The following NBEA variants were observed in gnomAD, a reference collection of about 807,000 sequenced individuals.
The protein encoded by NBEA is neurobeachin.
NBEA carries 44 observed loss-of-function variants against 343.4 expected under a neutral mutation model. That is an observed-to-expected ratio of 0.13 (90% CI 0.10 to 0.16). The LOEUF is 0.16. Among genes scored for constraint, NBEA ranks in the 10% least tolerant of loss-of-function variants. The pLI is 1.00. For missense variants in NBEA, 2,555 were observed against 3,631.3 expected (o/e 0.70, Z 7.62); for synonymous variants, 1,175 against 1,238.7 (o/e 0.95, Z 1.08).
intron 33 of NBEA, among the ~76,000 whole-genome samples, chr13:35,215,746 G>A (rs2074032466): frequency 6.6e-6 from 1 of 151,570 alleles, no homozygotes; most frequent in South Asian, 2.1e-4. Context: ...ATGAGATAAT[G>A]TCACTTGTAG....
chr13:35,278,248 A>G (rs1186678496), intron 34 of NBEA, among the ~76,000 whole-genome samples: 1 of 151,786 alleles, frequency 6.6e-6, no homozygotes, highest in Admixed American at 6.6e-5. Flanking sequence ...GAACAAACTC[A>G]ATAAGGATGT....
intron 45 of NBEA, among the ~76,000 whole-genome samples, chr13:35,572,440 G>A (rs982616987): frequency 2.0e-5 from 3 of 152,120 alleles, no homozygotes; most frequent in African/African-American, 4.8e-5. Flanking sequence ...CCCATTCATC[G>A]AGTGGAAAAA....
In NBEA at chr13:35,630,887, G is replaced by A. The variant is rs2083421679; in HGVS notation, c.7617+2639G>A. 2.0e-5 allele frequency among the ~76,000 whole-genome samples: 3 copies of A among 152,058 alleles called. No individual in the cohort carries two copies. In the South Asian group the frequency reaches 6.2e-4, roughly 31 times the overall value. On this transcript the variant is annotated intron_variant, in intron 49 of 58. Coordinates refer to ENST00000379939, the MANE Select transcript of NBEA (RefSeq NM_001385012.1). Reference sequence around the variant, plus strand: ...CTAGGGGGCCATTTAGTACAGTGTAGACATAACAGATTAAATGATTTCAAG... The same window carrying A: ...CTAGGGGGCCATTTAGTACAGTGTAAACATAACAGATTAAATGATTTCAAG...
chr13:35,526,998 T>C (rs2078008802), intron 41 of NBEA, among the ~76,000 whole-genome samples: 1 of 151,938 alleles, frequency 6.6e-6, no homozygotes, highest in Non-Finnish European at 1.5e-5. Context: ...AGGTCTGGGC[T>C]CCCTGAAGGG....
Position 34,999,134 on chromosome 13 carries a change from T to C in NBEA, c.295-41799T>C, listed in dbSNP as rs113595195. Among the ~76,000 whole-genome samples, 61 of 152,286 alleles carry C rather than the reference T, an allele frequency of 4.0e-4. 1 individual carries two copies. The highest frequency in any genetic ancestry group is 1.3e-3 in the African/African-American group (56 of 41,570). On this transcript the variant is annotated intron_variant, in intron 1 of 58. Transcript: ENST00000379939. ...GAAATAGAGACATACTATAAATATT[T>C]ATAACAAACAAAATTGGGGTAAGAA...
intron 33 of NBEA, among the ~76,000 whole-genome samples, chr13:35,227,289 A>G (rs1283086255): frequency 6.6e-6 from 1 of 152,076 alleles, no homozygotes; most frequent in Non-Finnish European, 1.5e-5. Flanking sequence ...AATTATATTT[A>G]ATATTAGAAA....
chr13:35,507,092 A>G (rs1197293779), intron 41 of NBEA, among the ~76,000 whole-genome samples: 1 of 152,124 alleles, frequency 6.6e-6, no homozygotes, highest in Non-Finnish European at 1.5e-5. Flanking sequence ...TGTTAAGGTC[A>G]CCAATGACCT....
chr13:35,323,620 C>T (rs924351371), intron 36 of NBEA, among the ~76,000 whole-genome samples: 4 of 150,684 alleles, frequency 2.7e-5, no homozygotes, highest in Admixed American at 2.6e-4. Flanking sequence ...TGCTAGATGA[C>T]GAGTTAGTGG....
At chr13:35,088,638 A>G (rs1159410057) in intron 10 of NBEA, among the ~76,000 whole-genome samples, 2 of 152,006 alleles carry the variant, frequency 1.3e-5, no homozygotes, top group Non-Finnish European at 2.9e-5. Flanking sequence ...GGTCTCTGAA[A>G]TACATAGTAG....
At chr13:35,542,908 T>G (rs2078901216) in intron 41 of NBEA, among the ~76,000 whole-genome samples, 1 of 152,040 alleles carries the variant, frequency 6.6e-6, no homozygotes, top group Non-Finnish European at 1.5e-5. Context: ...CTCTTTGAAC[T>G]CATACTTCCT....
At chr13:35,503,351 A>T (rs1388787216) in intron 41 of NBEA, among the ~76,000 whole-genome samples, 3 of 151,924 alleles carry the variant, frequency 2.0e-5, no homozygotes, top group Admixed American at 1.3e-4. Context: ...ATATAGGTAG[A>T]TATATAATTT....
At chr13:35,472,743 A>AT (rs1327349310) in intron 41 of NBEA, among the ~76,000 whole-genome samples, 2 of 152,236 alleles carry the variant, frequency 1.3e-5, no homozygotes, top group African/African-American at 4.8e-5. Context: ...GAGCATGCAC[A>AT]TTTTAACAGT....
intron 24 of NBEA, among the ~76,000 whole-genome samples, chr13:35,165,678 T>C (rs1328039978): frequency 6.7e-6 from 1 of 148,628 alleles, no homozygotes; most frequent in Admixed American, 6.7e-5. Flanking sequence ...TTTTTTCTTC[T>C]CTTTTCTTTT....
At chr13:35,514,810 A>T (rs774804251) in intron 41 of NBEA, among the ~76,000 whole-genome samples, 4 of 152,158 alleles carry the variant, frequency 2.6e-5, no homozygotes, top group Non-Finnish European at 2.9e-5. Flanking sequence ...GTCTTTTTCC[A>T]GTAGGGTAAG....
At chr13:35,322,833 A>G (rs1247090218) in intron 36 of NBEA, among the ~76,000 whole-genome samples, 1 of 152,132 alleles carries the variant, frequency 6.6e-6, no homozygotes, top group East Asian at 1.9e-4. Context: ...AAAATTTGTG[A>G]TCATAAATTG....
At chr13:35,342,047 G>T (rs1398876690) in intron 36 of NBEA, among the ~76,000 whole-genome samples, 1 of 151,962 alleles carries the variant, frequency 6.6e-6, no homozygotes, top group Non-Finnish European at 1.5e-5. Context: ...AAGGAATAAG[G>T]TACTCATACT....
In NBEA at chr13:35,546,555, A is replaced by AT. The variant is rs558048686; in HGVS notation, c.6586-3907dup. On this transcript the variant is annotated intron_variant, in intron 41 of 58. Transcript: ENST00000379939. ...AGGAGTAGATCTAAAATTATTATTA[A>AT]TTTTTTTTTTTTTTTGAGACGGAAT... Among the ~76,000 whole-genome samples, 783 of 143,658 alleles carry AT rather than the reference A, an allele frequency of 5.5e-3. 5 individuals carry two copies. Among genetic ancestry groups the AT allele is most frequent in the African/African-American group, 0.01 (404 of 39,382 alleles). 94.2% of individuals were successfully genotyped at this position (143,658 alleles called of 152,430 possible).
At chr13:35,304,371 G>A (rs1406363164) in intron 35 of NBEA, among the ~76,000 whole-genome samples, 2 of 151,790 alleles carry the variant, frequency 1.3e-5, no homozygotes, top group African/African-American at 4.9e-5. Context: ...ATCTGTGTGT[G>A]TGTGACGGAG....
chr13:35,513,078 A>G (rs2077342954), intron 41 of NBEA, among the ~76,000 whole-genome samples: 1 of 151,898 alleles, frequency 6.6e-6, no homozygotes, highest in Non-Finnish European at 1.5e-5. Context: ...TAATTGTGCA[A>G]TTATTCCTGA....
Sources: gnomAD v4.1 joint callset for allele counts (sites outside exome capture counted in the v4.1 genomes callset) on GRCh38, gnomAD v4.1.1 for gene constraint, MANE v1.5 for transcripts, NCBI Gene and HGNC (gene_info 2026-07-23, HGNC 2026-07-21) for gene names.